SLC45A3: variants seen among roughly 807,000 people sequenced by gnomAD.
The protein encoded by SLC45A3 is prostate cancer associated protein 2.
SLC45A3 carries 17 observed loss-of-function variants against 35.3 expected under a neutral mutation model. The observed-to-expected ratio is 0.48, with a 90% CI of 0.33 to 0.72. The LOEUF is 0.72. Ranked by LOEUF, SLC45A3 falls within the 30% of genes least tolerant of loss-of-function variation. SLC45A3 has a pLI of 0.02. For synonymous variants in SLC45A3, 288 were observed against 334.3 expected (o/e 0.86, Z 1.51); for missense variants, 597 against 731.7 (o/e 0.82, Z 2.12).
chr1:205,662,397 G>T lies in SLC45A3; in HGVS notation c.959-271C>A, dbSNP rs1025657169. 8.0e-6 allele frequency: 11 copies of T among 1,367,866 alleles called. No homozygotes were observed. The South Asian group carries it at 2.0e-4, about 25-fold the overall frequency. The allele number at this position is 1,367,866 out of a possible 1,614,324, so 84.7% of individuals were successfully genotyped here. On this transcript the variant is annotated intron_variant, in intron 3 of 4. Transcript: ENST00000367145. This position sits in a 1 kb window ranked among gnomAD's most constrained non-coding sequence, Gnocchi z 6.2. Reference sequence around the variant, plus strand: ...GAGTCTCAGCTGTGAGGACAGGCGGGTGAGAGGGAACACAAAGACAGCTGG... The same window carrying T: ...GAGTCTCAGCTGTGAGGACAGGCGGTTGAGAGGGAACACAAAGACAGCTGG...
Position 205,664,669 on chromosome 1 carries a change from G to T in SLC45A3, c.-13C>A. On this transcript the variant is annotated 5_prime_UTR_variant, in exon 2 of 5. Coordinates refer to ENST00000367145, the MANE Select transcript of SLC45A3 (RefSeq NM_033102.3). The surrounding 1 kb of genome is among the most constrained non-coding windows in gnomAD (Gnocchi z 5.3). ...GCCTCTGGACCATAGTGGGCCAGGC[G>T]GGTAGGGCTCAGGGGGCCGTTCAGG... 1 of 1,613,542 alleles carries T rather than the reference G, an allele frequency of 6.2e-7. No individual in the cohort carries two copies. Among genetic ancestry groups the T allele is most frequent in the South Asian group, 1.1e-5 (1 of 91,040 alleles).
At position 205,664,951 on chromosome 1, in the gene SLC45A3, T is replaced by A; in HGVS notation, c.-230-65A>T. ...GTCCTGGGAGCCAGGTCTCCACGAT[T>A]TGCTCTAAATTGTCTGGATCCTGAT... On this transcript the variant is annotated intron_variant, in intron 1 of 4. Transcript: ENST00000367145. The surrounding 1 kb of genome is among the most constrained non-coding windows in gnomAD (Gnocchi z 5.3). 3 of 1,228,820 alleles carry A rather than the reference T, an allele frequency of 2.4e-6. No individual in the cohort carries two copies. Among genetic ancestry groups the A allele is most frequent in the Non-Finnish European group, 3.1e-6 (3 of 981,332 alleles). 76.1% of individuals were successfully genotyped at this position (1,228,820 alleles called of 1,614,324 possible). A position where few individuals can be genotyped will look rare whatever the true frequency, so the allele number is the denominator to read the frequency against.
At chr1:205,675,295 A>G (rs1671292836) in intron 1 of SLC45A3, among the ~76,000 whole-genome samples, 1 of 152,144 alleles carries the variant, frequency 6.6e-6, no homozygotes, top group African/African-American at 2.4e-5. Flanking sequence ...AAAGAGTAAT[A>G]TTTTTAGGCT....
intron 1 of SLC45A3, among the ~76,000 whole-genome samples, chr1:205,679,685 A>ACAC (rs1671369499): frequency 7.2e-6 from 1 of 138,776 alleles, no homozygotes; most frequent in African/African-American, 2.7e-5. Context: ...GGGACACAGT[A>ACAC]ACACACACAC....
chr1:205,662,692 G>A lies in SLC45A3; in HGVS notation c.958+141C>T. ...ATGTTCCACACCCATGAGAAGCCGTGTATGCAGATGGGGTCCATCCCCACT... is the reference window on the plus strand; with the variant it reads ...ATGTTCCACACCCATGAGAAGCCGTATATGCAGATGGGGTCCATCCCCACT... On this transcript the variant is annotated intron_variant, in intron 3 of 4. Coordinates refer to ENST00000367145, the MANE Select transcript of SLC45A3 (RefSeq NM_033102.3). The surrounding 1 kb of genome is among the most constrained non-coding windows in gnomAD (Gnocchi z 6.2). The A allele has an allele frequency of 6.9e-7, 1 of 1,442,872 alleles. No homozygotes were observed. The highest frequency in any genetic ancestry group is 1.6e-5 in the South Asian group (1 of 63,914). The allele number at this position is 1,442,872 out of a possible 1,614,324, so 89.4% of individuals were successfully genotyped here.
In SLC45A3 at chr1:205,664,716, C is replaced by A; in HGVS notation, c.-60G>T. On this transcript the variant is annotated 5_prime_UTR_variant, in exon 2 of 5. An upstream open reading frame in the 5' UTR gains an earlier in-frame stop. Coordinates refer to ENST00000367145, the MANE Select transcript of SLC45A3 (RefSeq NM_033102.3). The surrounding 1 kb of genome is among the most constrained non-coding windows in gnomAD (Gnocchi z 5.3). ...CAGGCACTCCAGAACTGCTTCGTCT[C>A]GGCTCTGCTCCAGAAGCTGCGGCCT... The A allele has an allele frequency of 6.3e-7, 1 of 1,576,740 alleles. No homozygotes were observed. Among genetic ancestry groups the A allele is most frequent in the Non-Finnish European group, 8.6e-7 (1 of 1,161,846 alleles).
rs987424234 is a variant in SLC45A3, at chr1:205,669,311, C to T, written c.-230-4425G>A. 4.6e-5 allele frequency among the ~76,000 whole-genome samples: 7 copies of T among 152,200 alleles called. No homozygotes were observed. The highest frequency in any genetic ancestry group is 4.4e-5 in the Non-Finnish European group (3 of 68,030). ...AATGAAACTGAGCAACAGGAACAAA[C>T]TTGGCCTGAACTTTGTCCAAAATAC... On this transcript the variant is annotated intron_variant, in intron 1 of 4. Transcript: ENST00000367145. The surrounding 1 kb of genome is among the most constrained non-coding windows in gnomAD (Gnocchi z 4.1).
chr1:205,662,403 G>A lies in SLC45A3; in HGVS notation c.959-277C>T. On this transcript the variant is annotated intron_variant, in intron 3 of 4. Coordinates refer to ENST00000367145, the MANE Select transcript of SLC45A3 (RefSeq NM_033102.3). This position sits in a 1 kb window ranked among gnomAD's most constrained non-coding sequence, Gnocchi z 6.2. ...CAGCTGTGAGGACAGGCGGGTGAGA[G>A]GGAACACAAAGACAGCTGGCCATAG... 7.3e-7 allele frequency: 1 copy of A among 1,363,180 alleles called. No individual in the cohort carries two copies. Among genetic ancestry groups the A allele is most frequent in the South Asian group, 1.9e-5 (1 of 53,718 alleles). 84.4% of individuals were successfully genotyped at this position (1,363,180 alleles called of 1,614,324 possible). A position where few individuals can be genotyped will look rare whatever the true frequency, so the allele number is the denominator to read the frequency against.
In SLC45A3 at chr1:205,680,493, T is replaced by C. The variant is rs1671390572; in HGVS notation, c.-330A>G. On this transcript the variant is annotated 5_prime_UTR_variant, in exon 1 of 5. Coordinates refer to ENST00000367145, the MANE Select transcript of SLC45A3 (RefSeq NM_033102.3). ...CGCGCGCCAGCCGGCGGCTTTTAAA[T>C]CTCCAGGTTACTCCGCGGGGGGAGA... 6.7e-6 allele frequency: 1 copy of C among 148,772 alleles called. No homozygotes were observed. Among genetic ancestry groups the C allele is most frequent in the Admixed American group, 6.7e-5 (1 of 14,998 alleles). 9.2% of individuals were successfully genotyped at this position (148,772 alleles called of 1,614,324 possible).
rs764477376 is a variant in SLC45A3, at chr1:205,663,438, C to G, written c.353G>C (p.Arg118Thr). The G allele has an allele frequency of 1.2e-6, 2 of 1,612,820 alleles. No homozygotes were observed. Among genetic ancestry groups the G allele is most frequent in the Non-Finnish European group, 1.7e-6 (2 of 1,179,764 alleles). ...GATGAGCAGTGCCAGCTCCAGGGGC[C>G]TGGGATCCGGGCACAGCAGCCCTGC... ...WLAGLLCPDP[R>T]PLELALLILG... Residue 118 changes from arginine to threonine, a missense_variant, in exon 3 of 5, where the codon AGG becomes ACG. Arg to Thr is a moderately conservative substitution (Grantham distance 71). Around this residue, in one of 3 missense-constraint regions of SLC45A3, gnomAD observed 555 missense variants for 664.9 expected, o/e 0.83. Coordinates refer to ENST00000367145, the MANE Select transcript of SLC45A3 (RefSeq NM_033102.3).
intron 1 of SLC45A3, among the ~76,000 whole-genome samples, chr1:205,675,196 C>A (rs1047418598): frequency 1.3e-5 from 2 of 152,288 alleles, no homozygotes; most frequent in African/African-American, 4.8e-5. Context: ...GGGTAGGACC[C>A]CTCTGCAATG....
intron 1 of SLC45A3, among the ~76,000 whole-genome samples, chr1:205,678,585 A>T (rs1237371363): frequency 6.6e-6 from 1 of 152,118 alleles, no homozygotes; most frequent in Non-Finnish European, 1.5e-5. Context: ...AACGTTATTC[A>T]GGGAGCCAGG....
At chr1:205,676,849 G>A (rs1177218017) in intron 1 of SLC45A3, among the ~76,000 whole-genome samples, 2 of 152,186 alleles carry the variant, frequency 1.3e-5, no homozygotes, top group African/African-American at 4.8e-5. Context: ...TCTATTGCTG[G>A]GAGTCGAGTG....
In SLC45A3 at chr1:205,664,894, G is replaced by T. The variant is rs1671094485; in HGVS notation, c.-230-8C>A. 2 of 1,361,360 alleles carry T rather than the reference G, an allele frequency of 1.5e-6. No homozygotes were observed. Among genetic ancestry groups the T allele is most frequent in the Non-Finnish European group, 1.9e-6 (2 of 1,059,694 alleles). The allele number at this position is 1,361,360 out of a possible 1,614,324, so 84.3% of individuals were successfully genotyped here. On this transcript the variant is annotated splice_polypyrimidine_tract_variant and splice_region_variant and intron_variant, in intron 1 of 4. Transcript: ENST00000367145. The surrounding 1 kb of genome is among the most constrained non-coding windows in gnomAD (Gnocchi z 5.3). The stretch of plus-strand genomic sequence containing the variant: ...CGTCTCATCACTCAGATCCTAGAAG[G>T]GCGGGGCAATCACAAGCACACGGGG...
At chr1:205,673,225 T>C (rs1652213685) in intron 1 of SLC45A3, among the ~76,000 whole-genome samples, 1 of 152,008 alleles carries the variant, frequency 6.6e-6, no homozygotes, top group Non-Finnish European at 1.5e-5. Context: ...GTAACTGAAT[T>C]CTCTTCTTGG....
At chr1:205,661,463 G>A (rs1422984208) in intron 4 of SLC45A3, among the ~76,000 whole-genome samples, 2 of 152,154 alleles carry the variant, frequency 1.3e-5, no homozygotes, top group African/African-American at 2.4e-5. Context: ...GAAGAAAGGT[G>A]TTGCTAAGGC....
intron 1 of SLC45A3, among the ~76,000 whole-genome samples, chr1:205,672,995 T>C (rs938242218): frequency 6.6e-6 from 1 of 152,158 alleles, no homozygotes; most frequent in African/African-American, 2.4e-5. Flanking sequence ...ATTTGGACTT[T>C]CATGGCCTCC....
At chr1:205,672,449 C>T (rs752830927) in intron 1 of SLC45A3, among the ~76,000 whole-genome samples, 7 of 152,134 alleles carry the variant, frequency 4.6e-5, no homozygotes, top group Admixed American at 1.3e-4. Flanking sequence ...ACACAGTGGC[C>T]GACCCCTACT....
chr1:205,678,473 G>A (rs1424456101), intron 1 of SLC45A3, among the ~76,000 whole-genome samples: 2 of 152,034 alleles, frequency 1.3e-5, no homozygotes, highest in Non-Finnish European at 2.9e-5. Flanking sequence ...TCTGGGTAAG[G>A]GGAGAGCTGG....
Sources: gnomAD v4.1 joint callset for allele counts (sites outside exome capture counted in the v4.1 genomes callset) on GRCh38, gnomAD v4.1.1 for gene constraint, gnomAD v4.1.1 regional missense constraint, Gnocchi (gnomAD v3.1) non-coding constraint, MANE v1.5 for transcripts, NCBI Gene and HGNC (gene_info 2026-07-23, HGNC 2026-07-21) for gene names.